The following PSME2 variants were observed in gnomAD, a reference collection of about 807,000 sequenced individuals.
PSME2 encodes the protein proteasome activator complex subunit 2.
Under a neutral mutation model 38.8 loss-of-function variants are expected in PSME2, and 20 were observed. The ratio of observed to expected loss-of-function variants is 0.52; its 90% CI spans 0.36 to 0.75. The LOEUF is 0.75. Ranked by LOEUF, PSME2 falls within the 30% of genes least tolerant of loss-of-function variation. The pLI, the probability that PSME2 is intolerant of heterozygous loss-of-function variation, is 0.00. For synonymous variants in PSME2, 82 were observed against 102.5 expected (o/e 0.80, Z 1.21); for missense variants, 227 against 287.6 (o/e 0.79, Z 1.52).
At chr14:24,145,343 G>A (rs1005211698) in intron 4 of PSME2, 36 bp downstream of exon 4, 9 of 1,611,294 alleles carry the variant, frequency 5.6e-6, no homozygotes, top group Non-Finnish European at 6.8e-6. Context: ...TCTCCATTGG[G>A]TTTATAGTCC....
In PSME2 at chr14:24,143,507, T is replaced by C; in HGVS notation, c.640-18A>G. 6.2e-7 allele frequency: 1 copy of C among 1,613,792 alleles called. No individual in the cohort carries two copies. The highest frequency in any genetic ancestry group is 8.5e-7 in the Non-Finnish European group (1 of 1,179,768). On this transcript the variant is annotated intron_variant, in intron 10 of 10. Transcript: ENST00000216802. This position sits in a 1 kb window ranked among gnomAD's most constrained non-coding sequence, Gnocchi z 4.4. ...AGCTCAGCCTGGGAGAAGGCCAGAG[T>C]GCAAGAGTCAGGTTCTTAGCCAATC...
At chr14:24,144,739 C>A (rs2038124585) in intron 6 of PSME2, 2 of 573,742 alleles carry the variant, frequency 3.5e-6, no homozygotes, top group African/African-American at 1.9e-5. Context: ...CGATTTGAAC[C>A]TAAGCAGTCT....
At chr14:24,146,013 C>T (rs762768105) in intron 2 of PSME2, 195 bp downstream of exon 2, 1 of 824,724 alleles carries the variant, frequency 1.2e-6, no homozygotes, top group Non-Finnish European at 2.0e-6. Context: ...GGGAGAAGTG[C>T]CAGAAGTCGG....
chr14:24,146,574 T>C lies in PSME2; in HGVS notation c.8A>G (p.Lys3Arg). ...CCCGCTCAGGCGCACCCCACACGGCTTGGCCATGCTGCTTCAGTCGCTAGA... is the reference window on the plus strand; with the variant it reads ...CCCGCTCAGGCGCACCCCACACGGCCTGGCCATGCTGCTTCAGTCGCTAGA... MA[K>R]PCGVRLSGEA... The change falls in exon 1 of 11, where the codon AAG becomes AGG. Residue 3 changes from lysine (K) to arginine (R), a missense_variant. Lys to Arg is a conservative substitution (Grantham distance 26). Around this residue, in one of 3 missense-constraint regions of PSME2, gnomAD observed 80 missense variants for 77.3 expected, o/e 1.04. Transcript: ENST00000216802. The C allele has an allele frequency of 6.2e-7, 1 of 1,613,672 alleles. No homozygotes were observed. The highest frequency in any genetic ancestry group is 2.2e-5 in the East Asian group (1 of 44,882).
At position 24,145,476 on chromosome 14, in the gene PSME2, C is replaced by T. The variant is rs533709450; in HGVS notation, c.145-11G>A. ...ATTGAGGGAGTCCTCCTGCACAGAG[C>T]TCACTGTCAAGGGCTGCCCAACCTC... On this transcript the variant is annotated splice_polypyrimidine_tract_variant and intron_variant, in intron 3 of 10. Transcript: ENST00000216802. 7.8e-6 allele frequency: 12 copies of T among 1,545,064 alleles called. No individual in the cohort carries two copies. The highest frequency in any genetic ancestry group is 4.0e-5 in the Admixed American group (2 of 50,102).
chr14:24,146,482 C>T (rs942176102), intron 1 of PSME2, 52 bp downstream of exon 1: 14 of 1,611,364 alleles, frequency 8.7e-6, no homozygotes, highest in Non-Finnish European at 1.1e-5. Context: ...CCAGCTTGGC[C>T]TCCACCCAAG....
intron 6 of PSME2, chr14:24,144,744 C>T (rs111912074): frequency 1.6e-5 from 9 of 572,540 alleles, no homozygotes; most frequent in Non-Finnish European, 2.8e-5. Context: ...TGAACCTAAG[C>T]AGTCTCTCTC....
Position 24,143,553 on chromosome 14 carries a change from C to T in PSME2, c.639+32G>A. The T allele has an allele frequency of 6.2e-7, 1 of 1,613,200 alleles. No homozygotes were observed. Among genetic ancestry groups the T allele is most frequent in the Non-Finnish European group, 8.5e-7 (1 of 1,179,222 alleles). Reference sequence around the variant, plus strand: ...CAATCCCCTGCCTGCCCCCACTCATCCACCTCCCCTAAAGCCTTACTCCAC... The same window carrying T: ...CAATCCCCTGCCTGCCCCCACTCATTCACCTCCCCTAAAGCCTTACTCCAC... On this transcript the variant is annotated intron_variant, in intron 10 of 10. Transcript: ENST00000216802. This position sits in a 1 kb window ranked among gnomAD's most constrained non-coding sequence, Gnocchi z 4.4.
At chr14:24,144,605 G>A in intron 6 of PSME2, 137 bp from the exon 7 acceptor site, 1 of 825,292 alleles carries the variant, frequency 1.2e-6, no homozygotes, top group Non-Finnish European at 2.0e-6. Flanking sequence ...TTTATTTCAT[G>A]TAATCATCAC....
At position 24,146,559 on chromosome 14, in the gene PSME2, C is replaced by T. The variant is rs1224385996; in HGVS notation, c.23G>A (p.Arg8His). Residue 8 changes from arginine to histidine, a missense_variant, in exon 1 of 11, where the codon CGC (arginine) becomes CAC (histidine). This residue lies in a region of PSME2 where 80 missense variants were observed against 77.3 expected (regional missense o/e 1.04). Transcript: ENST00000216802. MAKPCGV[R>H]LSGEARKQVE... is the part of the protein sequence containing the mutation. ...CTGTTTGCGGGCTTCCCCGCTCAGGCGCACCCCACACGGCTTGGCCATGCT... is the reference window on the plus strand; with the variant it reads ...CTGTTTGCGGGCTTCCCCGCTCAGGTGCACCCCACACGGCTTGGCCATGCT... The T allele has an allele frequency of 6.2e-7, 1 of 1,613,910 alleles. No homozygotes were observed. Among genetic ancestry groups the T allele is most frequent in the Admixed American group, 1.7e-5 (1 of 60,026 alleles).
At chr14:24,144,835 G>T in intron 6 of PSME2, 1 of 595,704 alleles carries the variant, frequency 1.7e-6, no homozygotes. Context: ...TAGGTTCTGA[G>T]GTTACAGAGT....
Position 24,143,496 on chromosome 14 carries a change from G to A in PSME2, c.640-7C>T, listed in dbSNP as rs1444860011. Reference sequence around the variant, plus strand: ...TGATATGATAAAGCTCAGCCTGGGAGAAGGCCAGAGTGCAAGAGTCAGGTT... The same window carrying A: ...TGATATGATAAAGCTCAGCCTGGGAAAAGGCCAGAGTGCAAGAGTCAGGTT... On this transcript the variant is annotated splice_polypyrimidine_tract_variant and splice_region_variant and intron_variant, in intron 10 of 10. Transcript: ENST00000216802. The surrounding 1 kb of genome is among the most constrained non-coding windows in gnomAD (Gnocchi z 4.4). 1 of 1,614,078 alleles carries A rather than the reference G, an allele frequency of 6.2e-7. No homozygotes were observed. The highest frequency in any genetic ancestry group is 8.5e-7 in the Non-Finnish European group (1 of 1,179,950).
At position 24,143,450 on chromosome 14, in the gene PSME2, T is replaced by A. The variant is rs767193925; in HGVS notation, c.679A>T (p.Ile227Phe). The A allele has an allele frequency of 6.2e-7, 1 of 1,614,186 alleles. No individual in the cohort carries two copies. The highest frequency in any genetic ancestry group is 2.2e-5 in the East Asian group (1 of 44,888). The change falls in exon 11 of 11, where the codon ATT (isoleucine) becomes TTT (phenylalanine). Residue 227 changes from isoleucine to phenylalanine, a missense_variant. Ile to Phe is a conservative substitution (Grantham distance 21). Transcript: ENST00000216802. The surrounding 1 kb of genome is among the most constrained non-coding windows in gnomAD (Gnocchi z 4.4). Reference protein sequence around the residue: ...YHIISSNLEKIVNPKGEEKPS... With the variant: ...YHIISSNLEKFVNPKGEEKPS... ...TTTTCTTCACCCTTTGGGTTGACAA[T>A]TTTCTCCAGGTTGCTGCTGATGATA...
chr14:24,145,447 C>A lies in PSME2; in HGVS notation c.163G>T (p.Ala55Ser), dbSNP rs2038136012. The change falls in exon 4 of 11, where the codon GCT (alanine) becomes TCT (serine). Residue 55 changes from alanine (A) to serine (S), a missense_variant. By Grantham distance (99) the Ala-to-Ser change is moderately conservative. This residue lies in a region of PSME2 where 80 missense variants were observed against 77.3 expected (regional missense o/e 1.04). Transcript: ENST00000216802. The stretch of plus-strand genomic sequence containing the variant: ...GGGGCCCGGAGGGAAGTCAAGTCAG[C>A]CACATTGAGGGAGTCCTCCTGCACA... ...QLLQEDSLNV[A>S]DLTSLRAPLD... The A allele has an allele frequency of 1.3e-6, 2 of 1,554,452 alleles. No homozygotes were observed. Among genetic ancestry groups the A allele is most frequent in the Middle Eastern group, 1.7e-4 (1 of 5,730 alleles).
chr14:24,144,170 C>G (rs1594368825), intron 8 of PSME2, 22 bp downstream of exon 8: 2 of 1,614,176 alleles, frequency 1.2e-6, no homozygotes, highest in South Asian at 1.1e-5. Flanking sequence ...GCCCCCAATG[C>G]TGGTCCTCCA....
chr14:24,144,233 G>A lies in PSME2; in HGVS notation c.456C>T (p.Ala152=), dbSNP rs1271531282. 12 of 1,614,188 alleles carry A rather than the reference G, an allele frequency of 7.4e-6. No individual in the cohort carries two copies. The highest frequency in any genetic ancestry group is 2.2e-5 in the East Asian group (1 of 44,886). Residue 152 remains alanine (A), a synonymous_variant, in exon 8 of 11, where the codon GCC becomes GCT. Transcript: ENST00000216802. ...GGAAAGCTTCCACTTTGGTCTTGAC[G>A]GCATTCACCCTCTCCAGCACCTTCT... The part of the protein sequence containing the change: ...IQEKVLERVN[A]VKTKVEAFQT...
intron 1 of PSME2, 70 bp downstream of exon 1, chr14:24,146,464 T>C (rs1566610440): frequency 4.4e-6 from 7 of 1,603,318 alleles, no homozygotes; most frequent in Non-Finnish European, 6.0e-6. Context: ...CTTGGTCCCC[T>C]GAACCACCCA....
rs1170972010 is a variant in PSME2 at position 24,145,740 on chromosome 14, C to T, written c.114G>A (p.Gln38=). The T allele has an allele frequency of 6.2e-7, 1 of 1,614,050 alleles. No individual in the cohort carries two copies. The highest frequency in any genetic ancestry group is 8.5e-7 in the Non-Finnish European group (1 of 1,179,952). ...AGAGCTGATTCAGGTATATGATTTTCTGTGGCAAGAATCTGTAGAGGAATT... is the reference window on the plus strand; with the variant it reads ...AGAGCTGATTCAGGTATATGATTTTTTGTGGCAAGAATCTGTAGAGGAATT... ...AEEFLYRFLP[Q]KIIYLNQLLQ... The change falls in exon 3 of 11, where the codon CAG becomes CAA. Residue 38 remains glutamine (Q), a synonymous_variant. Transcript: ENST00000216802.
chr14:24,145,109 C>A lies in PSME2; in HGVS notation c.309G>T (p.Leu103=). 1 of 1,613,810 alleles carries A rather than the reference C, an allele frequency of 6.2e-7. No homozygotes were observed. The highest frequency in any genetic ancestry group is 8.5e-7 in the Non-Finnish European group (1 of 1,179,782). ...AGACTTCTGGCTTAACCAGGGCAAG[C>A]AGGGACAGGACTTTCTCATTCCCAG... is the stretch of plus-strand genomic sequence containing the variant. The part of the protein sequence containing the change: ...FLPGNEKVLS[L]LALVKPEVWT... Residue 103 remains leucine (L), a synonymous_variant, in exon 6 of 11, where the codon CTG becomes CTT. Coordinates refer to ENST00000216802, the MANE Select transcript of PSME2 (RefSeq NM_002818.3).
Sources: gnomAD v4.1 joint callset for allele counts on GRCh38, gnomAD v4.1.1 for gene constraint, gnomAD v4.1.1 regional missense constraint, Gnocchi (gnomAD v3.1) non-coding constraint, MANE v1.5 for transcripts, NCBI Gene and HGNC (gene_info 2026-07-23, HGNC 2026-07-21) for gene names.